NUP62CL: variants seen among roughly 807,000 people sequenced by gnomAD.
The protein encoded by NUP62CL is nucleoporin 62 C-terminal like.
NUP62CL carries 13 observed loss-of-function variants against 15.3 expected under a neutral mutation model. The observed-to-expected ratio is 0.85, with a 90% CI of 0.55 to 1.35. The LOEUF is 1.35. NUP62CL is among the 40% of genes most tolerant of loss of function. The pLI, the probability that NUP62CL is intolerant of heterozygous loss-of-function variation, is 0.00. For missense variants in NUP62CL, 123 were observed against 130.6 expected (o/e 0.94, Z 0.28); for synonymous variants, 54 against 49.2 (o/e 1.10, Z -0.41).
At chrX:107,199,195 A>G (rs1927426205) in intron 1 of NUP62CL, among the ~76,000 whole-genome samples, 1 of 111,831 alleles carries the variant, frequency 8.9e-6, no homozygotes, top group African/African-American at 3.2e-5. Flanking sequence ...ACAACAAACC[A>G]AAAAGGTATT....
At chrX:107,178,603 T>A (rs934858922) in intron 2 of NUP62CL, among the ~76,000 whole-genome samples, 7 of 111,885 alleles carry the variant, frequency 6.3e-5, no homozygotes, top group African/African-American at 2.3e-4. Flanking sequence ...AAAAGGTGCT[T>A]AATAAGTAAC....
chrX:107,204,784 TTTAAATAAATTATTTAAA>T (rs1927598236), intron 1 of NUP62CL, among the ~76,000 whole-genome samples: 1 of 80,275 alleles, frequency 1.2e-5, no homozygotes, highest in African/African-American at 6.0e-5. Context: ...TTAAATAAAT[TTTAAATAAATTATTTAAA>T]TAAATTTTAA....
chrX:107,200,579 A>G (rs1927456957), intron 1 of NUP62CL, among the ~76,000 whole-genome samples: 2 of 107,108 alleles, frequency 1.9e-5, no homozygotes, highest in African/African-American at 6.8e-5. Flanking sequence ...AGATCGCGCC[A>G]CTGCACTCCA....
intron 4 of NUP62CL, among the ~76,000 whole-genome samples, chrX:107,158,305 C>G (rs1201229974): frequency 4.7e-5 from 2 of 42,850 alleles, no homozygotes; most frequent in Non-Finnish European, 6.8e-5. Flanking sequence ...GAACTCTCCA[C>G]CCCAAATCAA....
intron 8 of NUP62CL, 135 bp from the exon 9 acceptor site, chrX:107,124,467 C>A: frequency 6.6e-5 from 19 of 287,000 alleles, no homozygotes; most frequent in Middle Eastern, 4.8e-4. Context: ...TTAGAAAACA[C>A]ATAAGAAAAA....
At chrX:107,182,092 G>A (rs1280134940) in intron 2 of NUP62CL, among the ~76,000 whole-genome samples, 2 of 112,000 alleles carry the variant, frequency 1.8e-5, no homozygotes, top group Non-Finnish European at 3.8e-5. Flanking sequence ...CATACCTAAA[G>A]GTAACTAGGG....
At chrX:107,155,947 G>C in intron 4 of NUP62CL, among the ~76,000 whole-genome samples, 1 of 112,595 alleles carries the variant, frequency 8.9e-6, no homozygotes, top group Non-Finnish European at 1.9e-5. Context: ...CCAAAGCAGG[G>C]CGAGGCATTC....
chrX:107,167,830 T>C, intron 3 of NUP62CL, 46 bp from the exon 4 acceptor site: 1 of 1,128,873 alleles, frequency 8.9e-7, no homozygotes, highest in Non-Finnish European at 1.2e-6. Context: ...AGAAATTTGT[T>C]TCATTTAAGC....
At chrX:107,171,824 G>A (rs932263603) in intron 3 of NUP62CL, among the ~76,000 whole-genome samples, 2 of 110,761 alleles carry the variant, frequency 1.8e-5, no homozygotes, top group Non-Finnish European at 3.8e-5. Context: ...TCATCAAAGA[G>A]GCTGCCCATT....
intron 8 of NUP62CL, among the ~76,000 whole-genome samples, chrX:107,146,760 C>A (rs888390471): frequency 9.0e-6 from 1 of 111,266 alleles, no homozygotes; most frequent in African/African-American, 3.3e-5. Context: ...CAGTGGGAGT[C>A]CCTTCAAGCA....
intron 2 of NUP62CL, among the ~76,000 whole-genome samples, chrX:107,175,590 C>G (rs1403720656): frequency 9.0e-6 from 1 of 111,346 alleles, no homozygotes; most frequent in Non-Finnish European, 1.9e-5. Flanking sequence ...TTTTAAGACC[C>G]CAGAGCAAAT....
chrX:107,131,139 G>A (rs1165663259), intron 8 of NUP62CL, among the ~76,000 whole-genome samples: 1 of 111,507 alleles, frequency 9.0e-6, no homozygotes, highest in East Asian at 2.8e-4. Flanking sequence ...TATGGACAAG[G>A]AGCTGATGTT....
intron 8 of NUP62CL, among the ~76,000 whole-genome samples, chrX:107,132,691 C>T (rs1196838607): frequency 9.0e-6 from 1 of 111,662 alleles, no homozygotes; most frequent in Non-Finnish European, 1.9e-5. Context: ...GATGGGAGGT[C>T]GAGGCTGCAG....
At chrX:107,160,279 G>T (rs370161117) in intron 4 of NUP62CL, among the ~76,000 whole-genome samples, 112 of 104,906 alleles carry the variant, frequency 1.1e-3, no homozygotes, top group African/African-American at 3.5e-3. Context: ...TGGAAAAAAC[G>T]ACTTTAAAGT....
intron 2 of NUP62CL, among the ~76,000 whole-genome samples, chrX:107,185,612 T>C (rs897619612): frequency 9.0e-6 from 1 of 110,826 alleles, no homozygotes; most frequent in Non-Finnish European, 1.9e-5. Flanking sequence ...AAAAACACTA[T>C]AGACAAATCA....
At chrX:107,130,235 A>G (rs1343414824) in intron 8 of NUP62CL, among the ~76,000 whole-genome samples, 4 of 111,791 alleles carry the variant, frequency 3.6e-5, no homozygotes, top group Non-Finnish European at 7.5e-5. Flanking sequence ...ATCATCTGAT[A>G]TTTCAGTATT....
At chrX:107,201,905 T>A (rs1221658523) in intron 1 of NUP62CL, among the ~76,000 whole-genome samples, 4 of 110,824 alleles carry the variant, frequency 3.6e-5, no homozygotes, top group Non-Finnish European at 5.7e-5. Context: ...GTGGCTGCAC[T>A]CCAGCCTGGG....
At chrX:107,169,404 T>A (rs1000825689) in intron 3 of NUP62CL, among the ~76,000 whole-genome samples, 1 of 112,537 alleles carries the variant, frequency 8.9e-6, no homozygotes, top group Non-Finnish European at 1.9e-5. Context: ...TTAAGAATAA[T>A]CTTAAGTTCC....
chrX:107,127,793 T>A (rs866345029), intron 8 of NUP62CL, among the ~76,000 whole-genome samples: 3 of 101,518 alleles, frequency 3.0e-5, no homozygotes, highest in Admixed American at 9.9e-5. Flanking sequence ...AAAAAAAAAA[T>A]CCTGAGAGTA....
Sources: allele counts gnomAD v4.1 joint callset (sites outside exome capture counted in the v4.1 genomes callset), GRCh38; gene constraint gnomAD v4.1.1; transcripts MANE v1.5; gene names NCBI Gene and HGNC (gene_info 2026-07-23, HGNC 2026-07-21).